The following HTR3D variants were observed in gnomAD, a reference collection of about 807,000 sequenced individuals.
HTR3D encodes the protein 5-hydroxytryptamine (serotonin) receptor 3 family member D.
A neutral mutation model predicts 45.8 loss-of-function variants in HTR3D; 47 were observed. The ratio of observed to expected loss-of-function variants is 1.03; its 90% CI spans 0.81 to 1.31. The LOEUF is 1.31. Among genes scored for constraint, HTR3D ranks in the 50% most tolerant of loss-of-function variants. The pLI is 0.00. For missense variants in HTR3D, 448 were observed against 506.9 expected, an observed-to-expected ratio of 0.88 and a Z score of 1.12; for synonymous variants, 203 against 199.8, an observed-to-expected ratio of 1.02 and a Z score of -0.13.
chr3:184,035,614 A>C (rs1722863066), intron 2 of HTR3D, among the ~76,000 whole-genome samples: 1 of 152,204 alleles, frequency 6.6e-6, no homozygotes, highest in African/African-American at 2.4e-5. Flanking sequence ...TGCAGAAGAC[A>C]GAGCAAAACT....
chr3:184,036,494 C>T lies in HTR3D; in HGVS notation c.317C>T (p.Ser106Phe). ...SANWTPSISP[S>F]MDRGERSPSA... ...AACTGGACACCTTCTATTTCCCCTT[C>T]CATGGACAGAGGTGAACGCTCTCCT... Residue 106 changes from serine to phenylalanine, a missense_variant, in exon 4 of 8, where the codon TCC becomes TTC. Transcript: ENST00000428798. 1 of 1,614,244 alleles carries T rather than the reference C, an allele frequency of 6.2e-7. No individual in the cohort carries two copies. Among genetic ancestry groups the T allele is most frequent in the Non-Finnish European group, 8.5e-7 (1 of 1,180,050 alleles).
chr3:184,036,658 CA>C (rs1722905757), intron 4 of HTR3D, 89 bp from the exon 5 acceptor site: 1 of 1,570,960 alleles, frequency 6.4e-7, no homozygotes, highest in Non-Finnish European at 8.7e-7. Flanking sequence ...GGAAGCTAAG[CA>C]GTGAGGGATC....
intron 1 of HTR3D, among the ~76,000 whole-genome samples, 200 bp downstream of exon 1, chr3:184,032,007 T>G (rs1338884971): frequency 6.6e-6 from 1 of 150,596 alleles, no homozygotes; most frequent in Non-Finnish European, 1.5e-5. Flanking sequence ...TTTTTTTTTT[T>G]TTTTTGAGAT....
chr3:184,034,786 C>G (rs1004918032), intron 1 of HTR3D, among the ~76,000 whole-genome samples: 1 of 151,864 alleles, frequency 6.6e-6, no homozygotes, highest in African/African-American at 2.4e-5. Flanking sequence ...CGAAATGGCG[C>G]CACTGCACTC....
chr3:184,033,526 C>T (rs1434172516), intron 1 of HTR3D, among the ~76,000 whole-genome samples: 1 of 152,082 alleles, frequency 6.6e-6, no homozygotes, highest in Non-Finnish European at 1.5e-5. Context: ...CCAATAAGCA[C>T]AAGAAAAGGT....
chr3:184,036,998 G>C (rs1235773878), intron 5 of HTR3D, 102 bp downstream of exon 5: 35 of 1,134,892 alleles, frequency 3.1e-5, no homozygotes, highest in Non-Finnish European at 4.0e-5. Context: ...AAAGTGCTGG[G>C]ATTACGGGCG....
At position 184,031,781 on chromosome 3, in the gene HTR3D, G is replaced by A; in HGVS notation, c.40G>A (p.Gly14Ser). Reference sequence around the variant, plus strand: ...GTTCCATGGGAAAGGATTCCTCCTTGGCTTCATCCTCCACCTGCTGCTGCA... The same window carrying A: ...GTTCCATGGGAAAGGATTCCTCCTTAGCTTCATCCTCCACCTGCTGCTGCA... Reference protein sequence around the residue: ...GWFHGKGFLLGFILHLLLQDS... With the variant: ...GWFHGKGFLLSFILHLLLQDS... The change falls in exon 1 of 8, where the codon GGC (glycine) becomes AGC (serine). Residue 14 changes from glycine to serine, a missense_variant. Physicochemically the swap from Gly to Ser is moderately conservative, Grantham distance 56. Coordinates refer to ENST00000428798, the MANE Select transcript of HTR3D (RefSeq NM_001145143.1). The A allele has an allele frequency of 3.2e-6, 5 of 1,551,372 alleles. No homozygotes were observed. The highest frequency in any genetic ancestry group is 4.4e-6 in the Non-Finnish European group (5 of 1,146,862).
chr3:184,035,770 C>T (rs1208319791), intron 2 of HTR3D, among the ~76,000 whole-genome samples: 1 of 151,918 alleles, frequency 6.6e-6, no homozygotes, highest in African/African-American at 2.4e-5. Flanking sequence ...ACTGCAACCT[C>T]CACCTCCTGG....
intron 1 of HTR3D, 183 bp from the exon 2 acceptor site, chr3:184,034,995 C>A: frequency 7.3e-7 from 1 of 1,367,016 alleles, no homozygotes; most frequent in Admixed American, 2.7e-5. Flanking sequence ...GACCTTCATA[C>A]TGTGTTTTTC....
In HTR3D at chr3:184,036,459, A is replaced by C; in HGVS notation, c.282A>C (p.Ser94=). Residue 94 remains serine (S), a synonymous_variant, in exon 4 of 8, where the codon TCA becomes TCC. Coordinates refer to ENST00000428798, the MANE Select transcript of HTR3D (RefSeq NM_001145143.1). ...TSNTISQCGW[S]ASANWTPSIS... ...ACACAATAAGCCAATGTGGGTGGTC[A>C]GCATCTGCAAACTGGACACCTTCTA... 1 of 1,614,258 alleles carries C rather than the reference A, an allele frequency of 6.2e-7. No homozygotes were observed. Among genetic ancestry groups the C allele is most frequent in the Non-Finnish European group, 8.5e-7 (1 of 1,180,048 alleles).
rs150817752 is a variant in HTR3D, at chr3:184,037,776, A to G, written c.517-245A>G. On this transcript the variant is annotated intron_variant, in intron 5 of 7. Coordinates refer to ENST00000428798, the MANE Select transcript of HTR3D (RefSeq NM_001145143.1). ...TAAGAGCACGTCGGTAGGAATAAAA[A>G]TTTAAGTGGAGAAAGTTGACACCTT... Among the ~76,000 whole-genome samples, 101 of 152,356 alleles carry G rather than the reference A, an allele frequency of 6.6e-4. 1 individual carries two copies. The East Asian group carries it at 0.018, about 26-fold the overall frequency.
Position 184,038,238 on chromosome 3 carries a change from TAGTAC to T in HTR3D, c.735_739del (p.Val246SerfsTer71), listed in dbSNP as rs1722966993. 1.2e-6 allele frequency: 2 copies of T among 1,614,180 alleles called. No homozygotes were observed. The highest frequency in any genetic ancestry group is 1.7e-6 in the Non-Finnish European group (2 of 1,180,030). On this transcript the variant is annotated frameshift_variant, in exon 6 of 8. Transcript: ENST00000428798. LOFTEE classifies it high-confidence loss of function. The surrounding 1 kb of genome is among the most constrained non-coding windows in gnomAD (Gnocchi z 4.5). ...ACTAGCACTTCATCACATGCTTCACTAGTACGTCCTCATCCATCAAGAGACCAAAA... is the reference window on the plus strand; with the variant it reads ...ACTAGCACTTCATCACATGCTTCACTGTCCTCATCCATCAAGAGACCAAAA...
At chr3:184,032,218 G>A (rs180916878) in intron 1 of HTR3D, among the ~76,000 whole-genome samples, 273 of 152,172 alleles carry the variant, frequency 1.8e-3, no homozygotes, top group African/African-American at 6.2e-3. Context: ...GGTCTTGAAT[G>A]CCTGTCCTCA....
At position 184,038,376 on chromosome 3, in the gene HTR3D, C is replaced by T; in HGVS notation, c.770-33C>T. ...AGAAACAAGAAATTCTAGGTGGCGC[C>T]TCTGGCCCTCATGCAGACCCCCTTG... On this transcript the variant is annotated intron_variant, in intron 6 of 7. Coordinates refer to ENST00000428798, the MANE Select transcript of HTR3D (RefSeq NM_001145143.1). The surrounding 1 kb of genome is among the most constrained non-coding windows in gnomAD (Gnocchi z 4.5). 1.2e-6 allele frequency: 2 copies of T among 1,614,134 alleles called. No homozygotes were observed. Among genetic ancestry groups the T allele is most frequent in the Non-Finnish European group, 1.7e-6 (2 of 1,179,982 alleles).
In HTR3D at chr3:184,031,779, T is replaced by C; in HGVS notation, c.38T>C (p.Leu13Pro). 1 of 1,551,522 alleles carries C rather than the reference T, an allele frequency of 6.4e-7. No individual in the cohort carries two copies. Among genetic ancestry groups the C allele is most frequent in the Non-Finnish European group, 8.7e-7 (1 of 1,146,890 alleles). Residue 13 changes from leucine to proline, a missense_variant, in exon 1 of 8, where the codon CTT (leucine) becomes CCT (proline). Coordinates refer to ENST00000428798, the MANE Select transcript of HTR3D (RefSeq NM_001145143.1). ...TGGTTCCATGGGAAAGGATTCCTCC[T>C]TGGCTTCATCCTCCACCTGCTGCTG... is the stretch of plus-strand genomic sequence containing the variant. ...RGWFHGKGFL[L>P]GFILHLLLQD...
At chr3:184,035,116 G>C (rs966335098) in intron 1 of HTR3D, 62 bp from the exon 2 acceptor site, 5 of 1,551,360 alleles carry the variant, frequency 3.2e-6, no homozygotes, top group African/African-American at 2.7e-5. Flanking sequence ...AACAAGGAGA[G>C]GGTGGTGGCA....
chr3:184,031,800 T>G lies in HTR3D; in HGVS notation c.59T>G (p.Leu20Arg), dbSNP rs1482881049. 6.4e-7 allele frequency: 1 copy of G among 1,550,912 alleles called. No individual in the cohort carries two copies. The highest frequency in any genetic ancestry group is 8.7e-7 in the Non-Finnish European group (1 of 1,146,356). Residue 20 changes from leucine to arginine, a missense_variant, in exon 1 of 8, where the codon CTG becomes CGG. Physicochemically the swap from Leu to Arg is moderately radical, Grantham distance 102 (BLOSUM62 -2). Transcript: ENST00000428798. ...CTCCTTGGCTTCATCCTCCACCTGC[T>G]GCTGCAAGTACCTTAAGATAAGAGC... Reference protein sequence around the residue: ...GFLLGFILHLLLQDSHLQLVT... With the variant: ...GFLLGFILHLRLQDSHLQLVT...
intron 1 of HTR3D, among the ~76,000 whole-genome samples, chr3:184,033,484 T>C (rs1424863793): frequency 6.6e-6 from 1 of 152,072 alleles, no homozygotes; most frequent in African/African-American, 2.4e-5. Flanking sequence ...AGGACTTGAA[T>C]AGACATTTCT....
At chr3:184,037,696 G>C (rs1346108356) in intron 5 of HTR3D, among the ~76,000 whole-genome samples, 2 of 152,148 alleles carry the variant, frequency 1.3e-5, no homozygotes, top group Non-Finnish European at 1.5e-5. Flanking sequence ...AAAGCAATTA[G>C]AAATGAAAAG....
Sources: gnomAD v4.1 joint callset for allele counts (sites outside exome capture counted in the v4.1 genomes callset) on GRCh38, gnomAD v4.1.1 for gene constraint, Gnocchi (gnomAD v3.1) non-coding constraint, MANE v1.5 for transcripts, NCBI Gene and HGNC (gene_info 2026-07-23, HGNC 2026-07-21) for gene names.